Variants in COL6A3 observed in about 807,000 individuals in gnomAD.
COL6A3 encodes collagen type VI alpha 3 chain.
A neutral mutation model predicts 274.1 loss-of-function variants in COL6A3; 137 were observed. The observed-to-expected ratio is 0.50, with a 90% CI of 0.44 to 0.58. COL6A3 has a LOEUF of 0.58. Ranked by LOEUF, COL6A3 falls within the 20% of genes least tolerant of loss-of-function variation. COL6A3 has a pLI of 0.00. For missense variants in COL6A3, 3,950 were observed against 4,124.9 expected (o/e 0.96, Z 1.16); for synonymous variants, 1,650 against 1,650.6 (o/e 1.00, Z 0.01).
chr2:237,407,258 G>C lies in COL6A3; in HGVS notation c.-31+6695C>G, dbSNP rs2078743903. Among the ~76,000 whole-genome samples the C allele has an allele frequency of 6.6e-6, 1 of 152,066 alleles. No homozygotes were observed. Among genetic ancestry groups the C allele is most frequent in the South Asian group, 2.1e-4 (1 of 4,824 alleles). ...AATACTCTAGAACAATAATCTGTTT[G>C]ACTCAAACTGAATGTGTATCCTGTG... On this transcript the variant is annotated intron_variant, in intron 1 of 43. Coordinates refer to ENST00000295550, the MANE Select transcript of COL6A3 (RefSeq NM_004369.4). The surrounding 1 kb of genome is among the most constrained non-coding windows in gnomAD (Gnocchi z 4.3).
At chr2:237,330,116 G>A (rs1270894201) in intron 42 of COL6A3, 1 of 152,136 alleles carries the variant, frequency 6.6e-6, no homozygotes, top group Non-Finnish European at 1.5e-5. Context: ...TTTTAAGTTA[G>A]ATTTTTGTTG....
chr2:237,349,243 T>A (rs1417980993), intron 28 of COL6A3, among the ~76,000 whole-genome samples: 1 of 151,868 alleles, frequency 6.6e-6, no homozygotes, highest in Admixed American at 6.6e-5. Flanking sequence ...ATCAGAAGAA[T>A]CAGAAGAACG....
intron 6 of COL6A3, 65 bp downstream of exon 6, chr2:237,378,571 C>G (rs2077911294): frequency 6.2e-7 from 1 of 1,611,050 alleles, no homozygotes; most frequent in Non-Finnish European, 8.5e-7. Context: ...TTCAGACTGG[C>G]AAACTACCCT....
Position 237,368,987 on chromosome 2 carries a change from G to A in COL6A3, c.4476C>T (p.Thr1492=). ...CCAGCACCGGGGCCTGGGATCTGTA[G>A]GTTTTCAGATAGAATTCTGGGAAGA... ...NDVFPEFYLK[T]YRSQAPVLDA... is the part of the protein sequence containing the mutation. The change falls in exon 10 of 44, where the codon ACC becomes ACT. Residue 1492 remains threonine (T), a synonymous_variant. Coordinates refer to ENST00000295550, the MANE Select transcript of COL6A3 (RefSeq NM_004369.4). The surrounding 1 kb of genome is among the most constrained non-coding windows in gnomAD (Gnocchi z 4.4). 1.2e-6 allele frequency: 2 copies of A among 1,614,228 alleles called. No homozygotes were observed. Among genetic ancestry groups the A allele is most frequent in the Non-Finnish European group, 1.7e-6 (2 of 1,180,040 alleles).
At chr2:237,363,224 C>T in intron 14 of COL6A3, 29 bp downstream of exon 14, 2 of 1,607,514 alleles carry the variant, frequency 1.2e-6, no homozygotes, top group Non-Finnish European at 1.7e-6. Context: ...CTACACTGGT[C>T]TGTGTATAAA....
At position 237,378,927 on chromosome 2, in the gene COL6A3, C is replaced by T. The variant is rs150008830; in HGVS notation, c.2206G>A (p.Gly736Ser). ...GGCACGTGTTCACGGATCCTGCTGC[C>T]GCCAGCTTCCGTGAAGTGGTTGGCA... The part of the protein sequence containing the change: ...VYANHFTEAG[G>S]SRIREHVPQL... The change falls in exon 6 of 44, where the codon GGC becomes AGC. Residue 736 changes from glycine (G) to serine (S), a missense_variant. Gly to Ser is a moderately conservative substitution (Grantham distance 56). This residue lies in a region of COL6A3 where 1,934 missense variants were observed against 1,984.3 expected (regional missense o/e 0.97). Coordinates refer to ENST00000295550, the MANE Select transcript of COL6A3 (RefSeq NM_004369.4). 47 of 1,614,170 alleles carry T rather than the reference C, an allele frequency of 2.9e-5. No homozygotes were observed. The Middle Eastern group carries it at 1.6e-3, about 57-fold the overall frequency.
Position 237,324,770 on chromosome 2 carries a change from A to G in COL6A3, c.*4T>C. On this transcript the variant is annotated 3_prime_UTR_variant, in exon 44 of 44. Transcript: ENST00000295550. ...AAGAGGTATATGATGTTGGCCACCC[A>G]CGCTTAGGTTCCCATCACACTGATG... 3 of 1,613,820 alleles carry G rather than the reference A, an allele frequency of 1.9e-6. No individual in the cohort carries two copies. The highest frequency in any genetic ancestry group is 2.5e-6 in the Non-Finnish European group (3 of 1,179,974).
intron 4 of COL6A3, among the ~76,000 whole-genome samples, chr2:237,385,169 T>C (rs896309068): frequency 6.6e-6 from 1 of 152,184 alleles, no homozygotes; most frequent in Non-Finnish European, 1.5e-5. Context: ...TTTTGCCTGG[T>C]CACTAGTTTA....
chr2:237,344,839 G>A lies in COL6A3; in HGVS notation c.7179C>T (p.Pro2393=). 6.2e-7 allele frequency: 1 copy of A among 1,613,294 alleles called. No homozygotes were observed. The highest frequency in any genetic ancestry group is 2.2e-5 in the East Asian group (1 of 44,874). The change falls in exon 36 of 44, where the codon CCC becomes CCT. Residue 2393 remains proline (P), a synonymous_variant. Transcript: ENST00000295550. This position sits in a 1 kb window ranked among gnomAD's most constrained non-coding sequence, Gnocchi z 4.8. ...IKDKCPCCYG[P]LECPVFPTEL... ...CTGTTGGGAAGACGGGGCACTCCAGGGGCCCTGTGGAAAGTAGAGGGTGGA... is the reference window on the plus strand; with the variant it reads ...CTGTTGGGAAGACGGGGCACTCCAGAGGCCCTGTGGAAAGTAGAGGGTGGA...
chr2:237,406,306 C>T (rs909341125), intron 1 of COL6A3, among the ~76,000 whole-genome samples: 2 of 152,168 alleles, frequency 1.3e-5, no homozygotes, highest in African/African-American at 4.8e-5. Context: ...GACACACACG[C>T]ATGCACACAA....
At chr2:237,353,625 C>T (rs2077253854) in intron 24 of COL6A3, among the ~76,000 whole-genome samples, 1 of 152,226 alleles carries the variant, frequency 6.6e-6, no homozygotes, top group Non-Finnish European at 1.5e-5. Context: ...ACTCTTGCCT[C>T]ACCTCTCCTC....
rs539777432 is a variant in COL6A3 at position 237,402,233 on chromosome 2, G to A, written c.-30-5386C>T. Reference sequence around the variant, plus strand: ...TTGGCCATGGGCTGTCAGGAGGGAGGCAGTTGTAGTTACTGTCCCATAGGT... The same window carrying A: ...TTGGCCATGGGCTGTCAGGAGGGAGACAGTTGTAGTTACTGTCCCATAGGT... On this transcript the variant is annotated intron_variant, in intron 1 of 43. Transcript: ENST00000295550. Among the ~76,000 whole-genome samples the A allele has an allele frequency of 7.9e-5, 12 of 152,214 alleles. No individual in the cohort carries two copies. The East Asian group carries it at 2.1e-3, about 27-fold the overall frequency.
rs776346378 is a variant in COL6A3, at chr2:237,366,875, A to G, written c.5312T>C (p.Val1771Ala). 1 of 1,613,040 alleles carries G rather than the reference A, an allele frequency of 6.2e-7. No individual in the cohort carries two copies. The highest frequency in any genetic ancestry group is 8.5e-7 in the Non-Finnish European group (1 of 1,179,766). ...CCTCACTCCAACAGCAAACACTTTG[A>G]CCCCCCTCTGGGTGAGGGCCAGGCT... ...DVSLALTQRG[V>A]KVFAVGVRNI... Residue 1771 changes from valine to alanine, a missense_variant, in exon 11 of 44, where the codon GTC (valine) becomes GCC (alanine). Around this residue, in one of 5 missense-constraint regions of COL6A3, gnomAD observed 632 missense variants for 623.4 expected, o/e 1.01. Transcript: ENST00000295550.
rs778691629 is a variant in COL6A3, at chr2:237,344,752, T to G, written c.7266A>C (p.Arg2422=). Residue 2422 remains arginine, a synonymous_variant, in exon 36 of 44, where the codon CGA becomes CGC. Coordinates refer to ENST00000295550, the MANE Select transcript of COL6A3 (RefSeq NM_004369.4). The surrounding 1 kb of genome is among the most constrained non-coding windows in gnomAD (Gnocchi z 4.8). ...CATTCACAATACTCAAGACCACATC[T>G]CGCATCCGGCCGAAAGTGTCTTGGT... ...GVNQDTFGRM[R]DVVLSIVNDL... The G allele has an allele frequency of 1.2e-5, 19 of 1,601,266 alleles. No homozygotes were observed. The African/African-American group carries it at 2.6e-4, about 22-fold the overall frequency.
At chr2:237,397,362 G>A (rs2078475181) in intron 1 of COL6A3, among the ~76,000 whole-genome samples, 1 of 150,332 alleles carries the variant, frequency 6.7e-6, no homozygotes, top group African/African-American at 2.4e-5. Context: ...AAGGATGGAA[G>A]GAAGGAAGGA....
intron 4 of COL6A3, among the ~76,000 whole-genome samples, chr2:237,383,947 C>T (rs2078077444): frequency 6.6e-6 from 1 of 152,114 alleles, no homozygotes; most frequent in African/African-American, 2.4e-5. Flanking sequence ...TTCCCAGAGG[C>T]TCTGTCCCAG....
chr2:237,375,673 G>T (rs533279422), intron 7 of COL6A3, among the ~76,000 whole-genome samples: 12 of 152,274 alleles, frequency 7.9e-5, no homozygotes, highest in African/African-American at 2.6e-4. Context: ...CTCCAGAGTA[G>T]CTGGGATTAC....
At position 237,387,903 on chromosome 2, in the gene COL6A3, C is replaced by T. The variant is rs2078189826; in HGVS notation, c.991G>A (p.Glu331Lys). ...CCCCCTGCCCGGGTGAAGTGGTTCT[C>T]CACCACGAAATCAAGGGCGAGGCCG... Reference protein sequence around the residue: ...NIGLALDFVVENHFTRAGGSR... With the variant: ...NIGLALDFVVKNHFTRAGGSR... Residue 331 changes from glutamate (E) to lysine (K), a missense_variant, in exon 4 of 44, where the codon GAG becomes AAG. Physicochemically the swap from Glu to Lys is moderately conservative, Grantham distance 56. Transcript: ENST00000295550. 3.1e-6 allele frequency: 5 copies of T among 1,614,132 alleles called. No individual in the cohort carries two copies. The highest frequency in any genetic ancestry group is 1.6e-4 in the Middle Eastern group (1 of 6,062).
intron 9 of COL6A3, 49 bp from the exon 10 acceptor site, chr2:237,369,226 T>A: frequency 6.3e-7 from 1 of 1,598,248 alleles, no homozygotes; most frequent in Non-Finnish European, 8.5e-7. Flanking sequence ...TAAGTAGCCC[T>A]CACCCAGGTT....
Sources: allele counts gnomAD v4.1 joint callset (sites outside exome capture counted in the v4.1 genomes callset), GRCh38; gene constraint gnomAD v4.1.1; regional missense constraint gnomAD v4.1.1; non-coding constraint Gnocchi (gnomAD v3.1); transcripts MANE v1.5; gene names NCBI Gene and HGNC (gene_info 2026-07-23, HGNC 2026-07-21).